Variants in PKD1L1 observed in about 807,000 individuals in gnomAD.
The protein encoded by PKD1L1 is polycystin-1-like protein 1.
Under a neutral mutation model 323.4 loss-of-function variants are expected in PKD1L1, and 236 were observed. The ratio of observed to expected loss-of-function variants is 0.73; its 90% confidence interval spans 0.66 to 0.81. PKD1L1 has a LOEUF of 0.81. PKD1L1 is among the 40% of genes least tolerant of loss of function. The probability of loss-of-function intolerance (pLI) is 0.00; values close to 1 mark genes in which losing one functional copy is unlikely to be tolerated. For synonymous variants in PKD1L1, 1,344 were observed against 1,335.0 expected, an observed-to-expected ratio of 1.01 and a Z score of -0.15; for missense variants, 3,320 against 3,508.0, an observed-to-expected ratio of 0.95 and a Z score of 1.35.
chr7:47,872,092 T>G lies in PKD1L1; in HGVS notation c.3896+1807A>C, dbSNP rs190397807. 1.2e-4 allele frequency among the ~76,000 whole-genome samples: 18 copies of G among 152,330 alleles called. No individual in the cohort carries two copies. The East Asian group carries it at 3.1e-3, about 26-fold the overall frequency. ...TTCAGCAGGGTTATAGGATACAAGA[T>G]ACTCCCCAAACTGATGTACAGACTT... On this transcript the variant is annotated intron_variant, in intron 24 of 56. Coordinates refer to ENST00000289672, the MANE Select transcript of PKD1L1 (RefSeq NM_138295.5).
intron 52 of PKD1L1, among the ~76,000 whole-genome samples, chr7:47,804,951 C>T (rs1283529140): frequency 2.6e-5 from 4 of 152,116 alleles, no homozygotes; most frequent in Admixed American, 6.6e-5. Flanking sequence ...GTGGAAGGGC[C>T]GCTTTCTTGC....
intron 14 of PKD1L1, among the ~76,000 whole-genome samples, chr7:47,895,903 G>T (rs1786925577): frequency 6.6e-6 from 1 of 152,176 alleles, no homozygotes; most frequent in African/African-American, 2.4e-5. Flanking sequence ...TTTAAGGCTA[G>T]TGTTTGTTTA....
intron 12 of PKD1L1, among the ~76,000 whole-genome samples, chr7:47,903,551 G>A (rs1034975905): frequency 1.3e-5 from 2 of 152,114 alleles, no homozygotes; most frequent in Non-Finnish European, 2.9e-5. Context: ...GTTAGTGATG[G>A]GGCCATTCAG....
At chr7:47,899,296 T>TTTCTACTG (rs1334707972) in intron 13 of PKD1L1, among the ~76,000 whole-genome samples, 1 of 152,264 alleles carries the variant, frequency 6.6e-6, no homozygotes, top group Non-Finnish European at 1.5e-5. Flanking sequence ...TGCACTATTC[T>TTTCTACTG]TTCTACTGTT....
intron 4 of PKD1L1, among the ~76,000 whole-genome samples, chr7:47,933,635 G>A (rs901384300): frequency 1.8e-4 from 28 of 152,080 alleles, no homozygotes; most frequent in Admixed American, 1.2e-3. Context: ...ATCAGCCTTC[G>A]TGTATGGTGT....
chr7:47,954,912 G>GT, the PKD1L1 span, among the ~76,000 whole-genome samples: 3 of 152,238 alleles, frequency 2.0e-5, no homozygotes, highest in East Asian at 1.9e-4. Flanking sequence ...GGTTATGGTT[G>GT]TAAGATTGGT....
At chr7:47,793,892 G>C (rs370493379) in intron 55 of PKD1L1, among the ~76,000 whole-genome samples, 193 of 152,284 alleles carry the variant, frequency 1.3e-3, no homozygotes, top group African/African-American at 4.4e-3. Flanking sequence ...CTGGAGCAAA[G>C]GTGACTCCTG....
chr7:47,867,852 T>G (rs1786199902), intron 24 of PKD1L1, among the ~76,000 whole-genome samples: 1 of 151,858 alleles, frequency 6.6e-6, no homozygotes. Flanking sequence ...CAAAAGTAAA[T>G]TTGAGAAAAG....
intron 47 of PKD1L1, 68 bp from the exon 48 acceptor site, chr7:47,814,082 C>T: frequency 7.4e-7 from 1 of 1,346,672 alleles, no homozygotes; most frequent in South Asian, 1.2e-5. Flanking sequence ...ATCAAGCGTG[C>T]TCAAAAGGCG....
chr7:47,887,574 G>T (rs1786711776), intron 17 of PKD1L1, among the ~76,000 whole-genome samples: 1 of 152,242 alleles, frequency 6.6e-6, no homozygotes, highest in African/African-American at 2.4e-5. Flanking sequence ...TAGTGTGGGA[G>T]CAAGGATTGG....
intron 3 of PKD1L1, among the ~76,000 whole-genome samples, chr7:47,937,253 T>TGGG (rs1787886392): frequency 4.1e-4 from 1 of 2,462 alleles, no homozygotes; most frequent in African/African-American, 1.2e-3. Flanking sequence ...CGGGACGGGG[T>TGGG]GGGGGTGGGG....
chr7:47,947,640 C>T (rs949699086), intron 1 of PKD1L1, among the ~76,000 whole-genome samples: 7 of 152,214 alleles, frequency 4.6e-5, no homozygotes, highest in South Asian at 2.1e-4. Flanking sequence ...TGGGTGCTGG[C>T]GCGCACAGAG....
chr7:47,869,542 T>G (rs1309294388), intron 24 of PKD1L1, among the ~76,000 whole-genome samples: 1 of 152,150 alleles, frequency 6.6e-6, no homozygotes, highest in East Asian at 1.9e-4. Flanking sequence ...ATAATGTAGG[T>G]AAATTCACCA....
intron 8 of PKD1L1, among the ~76,000 whole-genome samples, chr7:47,911,052 C>T (rs77848255): frequency 0.012 from 1,869 of 152,176 alleles, 34 homozygotes; most frequent in African/African-American, 0.043. Flanking sequence ...GTTTACCTCT[C>T]CCTAATCTAA....
intron 37 of PKD1L1, among the ~76,000 whole-genome samples, chr7:47,835,702 C>T (rs1006038353): frequency 1.3e-4 from 20 of 151,814 alleles, no homozygotes; most frequent in Non-Finnish European, 2.9e-4. Flanking sequence ...CGCCTGGCCA[C>T]AATTCAATTT....
chr7:47,847,002 G>A lies in PKD1L1; in HGVS notation c.5030C>T (p.Ala1677Val). The change falls in exon 32 of 57, where the codon GCT (alanine) becomes GTT (valine). Residue 1677 changes from alanine to valine, a missense_variant. Transcript: ENST00000289672. The part of the protein sequence containing the change: ...YDRKPPNRYL[A>V]KAVNYTVHFQ... ...ATGTACTGTATAGTTCACTGCCTTA[G>A]CTAAATATCTGTTTGGAGGTTTTCT... The A allele has an allele frequency of 6.2e-7, 1 of 1,612,980 alleles. No homozygotes were observed. Among genetic ancestry groups the A allele is most frequent in the Non-Finnish European group, 8.5e-7 (1 of 1,179,488 alleles).
At chr7:47,812,791 G>A (rs1358938089) in intron 49 of PKD1L1, among the ~76,000 whole-genome samples, 2 of 152,236 alleles carry the variant, frequency 1.3e-5, no homozygotes, top group Non-Finnish European at 2.9e-5. Context: ...AGAGCTAGGT[G>A]AGGATTAAAT....
intron 5 of PKD1L1, among the ~76,000 whole-genome samples, chr7:47,931,600 T>C (rs964761886): frequency 2.0e-5 from 3 of 152,236 alleles, no homozygotes; most frequent in African/African-American, 7.2e-5. Context: ...TTGCTTAGTA[T>C]TAGAAGTTCA....
In PKD1L1 at chr7:47,834,882, A is replaced by G. The variant is rs1785423667; in HGVS notation, c.6127+85T>C. 5 of 1,150,212 alleles carry G rather than the reference A, an allele frequency of 4.3e-6. No individual in the cohort carries two copies. The Admixed American group carries it at 1.1e-4, about 26-fold the overall frequency. The allele number at this position is 1,150,212 out of a possible 1,614,324, so 71.3% of individuals were successfully genotyped here. ...ATAATAAACATAATGCAAATTGAAA[A>G]CAGAAGATACAATTTCTACTTAGTA... On this transcript the variant is annotated intron_variant, in intron 39 of 56. Coordinates refer to ENST00000289672, the MANE Select transcript of PKD1L1 (RefSeq NM_138295.5).
Sources: allele counts gnomAD v4.1 joint callset (sites outside exome capture counted in the v4.1 genomes callset), GRCh38; gene constraint gnomAD v4.1.1; transcripts MANE v1.5; gene names NCBI Gene and HGNC (gene_info 2026-07-23, HGNC 2026-07-21).